Variants in NPAS2 observed in about 807,000 individuals in gnomAD.
NPAS2 encodes neuronal PAS domain protein 2, also known as neuronal PAS domain-containing protein 2.
NPAS2 carries 23 observed loss-of-function variants against 107.5 expected under a neutral mutation model. The observed-to-expected ratio is 0.21, with a 90% confidence interval of 0.15 to 0.30. NPAS2 has a LOEUF of 0.30. NPAS2 is among the 10% of genes least tolerant of loss of function. NPAS2 has a pLI of 1.00. For synonymous variants in NPAS2, 403 were observed against 417.5 expected, an observed-to-expected ratio of 0.97 and a Z score of 0.42; for missense variants, 756 against 1,043.3, an observed-to-expected ratio of 0.72 and a Z score of 3.79.
intron 10 of NPAS2, among the ~76,000 whole-genome samples, chr2:100,967,769 AG>A (rs1558920932): frequency 6.6e-6 from 1 of 152,152 alleles, no homozygotes; most frequent in African/African-American, 2.4e-5. Context: ...GCTCTGGGGA[AG>A]GGGGAAGCCT....
At chr2:100,842,959 G>A (rs1407937169) in intron 1 of NPAS2, among the ~76,000 whole-genome samples, 1 of 152,154 alleles carries the variant, frequency 6.6e-6, no homozygotes, top group East Asian at 1.9e-4. Flanking sequence ...GGTGGCTCAT[G>A]CCTGTAATCC....
intron 15 of NPAS2, among the ~76,000 whole-genome samples, chr2:100,978,780 G>A (rs1558934387): frequency 2.0e-5 from 3 of 152,240 alleles, no homozygotes; most frequent in Non-Finnish European, 1.5e-5. Flanking sequence ...TCTACCCAGG[G>A]AAGTCTGACG....
rs535445257 is a variant in NPAS2 at position 100,971,644 on chromosome 2, C to T, written c.1140+570C>T. Reference sequence around the variant, plus strand: ...CATGCTGGAGCCAGCTCTGGGTCAGCGAGCCCTGCTGTAGAAAGGCCTTCC... The same window carrying T: ...CATGCTGGAGCCAGCTCTGGGTCAGTGAGCCCTGCTGTAGAAAGGCCTTCC... On this transcript the variant is annotated intron_variant, in intron 12 of 20. Coordinates refer to ENST00000335681, the MANE Select transcript of NPAS2 (RefSeq NM_002518.4). Among the ~76,000 whole-genome samples the T allele has an allele frequency of 2.0e-5, 3 of 152,226 alleles. No individual in the cohort carries two copies. In the East Asian group the frequency reaches 5.8e-4, roughly 29 times the overall value.
intron 1 of NPAS2, among the ~76,000 whole-genome samples, chr2:100,887,852 G>T (rs900936681): frequency 3.9e-5 from 6 of 152,134 alleles, no homozygotes; most frequent in Non-Finnish European, 8.8e-5. Context: ...CCCTGCATTC[G>T]CATCATTAGT....
At chr2:100,910,254 T>G (rs1376524104) in intron 2 of NPAS2, among the ~76,000 whole-genome samples, 1 of 152,214 alleles carries the variant, frequency 6.6e-6, no homozygotes, top group Non-Finnish European at 1.5e-5. Flanking sequence ...ATGTTCCAAT[T>G]AAATGGTGCC....
intron 1 of NPAS2, chr2:100,823,573 G>A (rs1029230408): frequency 1.3e-5 from 2 of 152,238 alleles, no homozygotes; most frequent in Non-Finnish European, 2.9e-5. Context: ...AGGACACCTG[G>A]GAGAGGACCC....
chr2:100,921,435 G>A (rs534075326), intron 2 of NPAS2, among the ~76,000 whole-genome samples: 11 of 152,272 alleles, frequency 7.2e-5, no homozygotes, highest in South Asian at 6.2e-4. Context: ...GATGATGGAC[G>A]CTTCAGAACC....
intron 12 of NPAS2, among the ~76,000 whole-genome samples, chr2:100,971,470 G>A (rs920061328): frequency 6.6e-6 from 1 of 152,112 alleles, no homozygotes; most frequent in Non-Finnish European, 1.5e-5. Context: ...GCTGGGTTGT[G>A]GAGGAATTCC....
At chr2:100,891,394 A>T (rs1681059796) in intron 1 of NPAS2, among the ~76,000 whole-genome samples, 1 of 152,168 alleles carries the variant, frequency 6.6e-6, no homozygotes, top group African/African-American at 2.4e-5. Flanking sequence ...GGTGTGCAGC[A>T]TTGGACATAC....
At chr2:100,890,294 C>T (rs1680968274) in intron 1 of NPAS2, among the ~76,000 whole-genome samples, 2 of 152,158 alleles carry the variant, frequency 1.3e-5, no homozygotes, top group Non-Finnish European at 1.5e-5. Flanking sequence ...CTCAGCTGGC[C>T]TCAGGGCCCA....
intron 16 of NPAS2, chr2:100,986,305 C>T (rs2105301165): frequency 6.6e-6 from 1 of 152,284 alleles, no homozygotes; most frequent in East Asian, 1.9e-4. Flanking sequence ...TCGACCCCAC[C>T]CATGAAACAG....
chr2:100,948,466 A>G, intron 6 of NPAS2, 111 bp downstream of exon 6: 4 of 1,007,096 alleles, frequency 4.0e-6, no homozygotes, highest in African/African-American at 1.6e-5. Flanking sequence ...AATTTTCCTC[A>G]TGACTCAGAA....
intron 7 of NPAS2, among the ~76,000 whole-genome samples, chr2:100,962,992 G>A (rs12622050): frequency 0.27 from 41,444 of 152,162 alleles, 6,379 homozygotes; most frequent in East Asian, 0.67. Flanking sequence ...TCCGGGCCTA[G>A]GACAGTAATG....
At chr2:100,967,431 T>C (rs967675510) in intron 10 of NPAS2, among the ~76,000 whole-genome samples, 25 of 151,852 alleles carry the variant, frequency 1.6e-4, no homozygotes, top group Non-Finnish European at 3.7e-4. Context: ...TCTCACCGTA[T>C]TCGCCAGGAT....
At position 100,990,878 on chromosome 2, in the gene NPAS2, TG is replaced by T; in HGVS notation, c.2111+8del. 6.2e-7 allele frequency: 1 copy of T among 1,613,684 alleles called. No individual in the cohort carries two copies. The highest frequency in any genetic ancestry group is 8.5e-7 in the Non-Finnish European group (1 of 1,179,640). The stretch of plus-strand genomic sequence containing the variant: ...AGGACGGGACGGCAAGTCAAGTACG[TG>T]GACCCTGGCGGGAGGCAGGAGGCAA... On this transcript the variant is annotated splice_region_variant and intron_variant, in intron 19 of 20. Transcript: ENST00000335681.
At chr2:100,903,402 C>T (rs1005576554) in intron 1 of NPAS2, among the ~76,000 whole-genome samples, 1 of 152,212 alleles carries the variant, frequency 6.6e-6, no homozygotes, top group Non-Finnish European at 1.5e-5. Flanking sequence ...TGGAATATGC[C>T]TGCTGTTGAC....
intron 1 of NPAS2, among the ~76,000 whole-genome samples, chr2:100,845,010 G>A (rs1270686732): frequency 2.0e-5 from 3 of 152,124 alleles, no homozygotes; most frequent in Non-Finnish European, 4.4e-5. Context: ...AGACTTAGAG[G>A]CAGGCAGGGG....
chr2:100,905,214 TG>T (rs1558859405), intron 2 of NPAS2, among the ~76,000 whole-genome samples: 1 of 152,112 alleles, frequency 6.6e-6, no homozygotes, highest in Admixed American at 6.5e-5. Flanking sequence ...TGCCACACAG[TG>T]AGCATGCAGT....
At chr2:100,995,320 A>C in intron 20 of NPAS2, 80 bp from the exon 21 acceptor site, 1 of 1,291,708 alleles carries the variant, frequency 7.7e-7, no homozygotes, top group Non-Finnish European at 1.1e-6. Context: ...AACCTGCAGC[A>C]TGCCCCGCAC....
Sources: allele counts gnomAD v4.1 joint callset (sites outside exome capture counted in the v4.1 genomes callset), GRCh38; gene constraint gnomAD v4.1.1; transcripts MANE v1.5; gene names NCBI Gene and HGNC (gene_info 2026-07-23, HGNC 2026-07-21).